LRRC7: variants seen among roughly 807,000 people sequenced by gnomAD.
LRRC7 encodes the protein leucine-rich repeat-containing protein 7.
LRRC7 carries 23 observed loss-of-function variants against 175.7 expected under a neutral mutation model. The observed-to-expected ratio is 0.13, with a 90% confidence interval of 0.09 to 0.19. The LOEUF (loss-of-function observed/expected upper bound fraction) is 0.19. LRRC7 is among the 10% of genes least tolerant of loss of function. The probability of loss-of-function intolerance (pLI) is 1.00; values close to 1 mark genes in which losing one functional copy is unlikely to be tolerated. For synonymous variants in LRRC7, 685 were observed against 680.9 expected, an observed-to-expected ratio of 1.01 and a Z score of -0.09; for missense variants, 1,354 against 1,904.7, an observed-to-expected ratio of 0.71 and a Z score of 5.38.
chr1:70,069,874 C>T (rs1662253674), intron 23 of LRRC7, among the ~76,000 whole-genome samples: 1 of 152,156 alleles, frequency 6.6e-6, no homozygotes. Context: ...CTGTTTTCTA[C>T]AGTCTGCTGT....
chr1:70,086,202 C>T (rs2102157817), intron 24 of LRRC7, among the ~76,000 whole-genome samples: 1 of 152,172 alleles, frequency 6.6e-6, no homozygotes, highest in East Asian at 1.9e-4. Context: ...TAGCTCACTG[C>T]AGCATCAAAC....
chr1:69,617,563 A>AAAAAAAAAAAAAAAC (rs1557491914), intron 1 of LRRC7, among the ~76,000 whole-genome samples: 1 of 150,074 alleles, frequency 6.7e-6, no homozygotes. Context: ...AAAAAAAAAA[A>AAAAAAAAAAAAAAAC]AAAAAAAAAT....
intron 1 of LRRC7, among the ~76,000 whole-genome samples, chr1:69,628,874 A>T (rs1343252020): frequency 6.6e-6 from 1 of 152,192 alleles, no homozygotes; most frequent in African/African-American, 2.4e-5. Flanking sequence ...TGGAGAAAAG[A>T]CAGTCTCTTC....
At chr1:69,718,144 G>GAAAGAAAGAA (rs1665906826) in intron 2 of LRRC7, among the ~76,000 whole-genome samples, 2 of 96,436 alleles carry the variant, frequency 2.1e-5, no homozygotes, top group African/African-American at 8.9e-5. Flanking sequence ...GAAAGAGAGA[G>GAAAGAAAGAA]AAAGAAAGAA....
At chr1:69,572,480 G>A (rs1347612697) in intron 1 of LRRC7, among the ~76,000 whole-genome samples, 2 of 152,066 alleles carry the variant, frequency 1.3e-5, no homozygotes, top group African/African-American at 4.8e-5. Flanking sequence ...AGAATGAAAA[G>A]TGGCACTATA....
intron 25 of LRRC7, among the ~76,000 whole-genome samples, chr1:70,101,155 C>T (rs184290023): frequency 6.6e-6 from 1 of 152,118 alleles, no homozygotes; most frequent in East Asian, 1.9e-4. Context: ...AAAAGTTTCC[C>T]CCTAAAAATT....
intron 1 of LRRC7, 50 bp downstream of exon 1, chr1:69,568,691 C>A (rs1354605097): frequency 1.6e-5 from 21 of 1,303,784 alleles, no homozygotes; most frequent in Non-Finnish European, 2.0e-5. Flanking sequence ...GGGGGCCCGG[C>A]CGCGGCGACC....
At chr1:69,801,957 G>C (rs900718953) in intron 4 of LRRC7, among the ~76,000 whole-genome samples, 1 of 147,544 alleles carries the variant, frequency 6.8e-6, no homozygotes, top group Admixed American at 6.8e-5. Context: ...TCTAATTTTT[G>C]TCTTAATTTC....
chr1:69,610,067 C>A (rs1648453898), intron 1 of LRRC7, among the ~76,000 whole-genome samples: 1 of 151,898 alleles, frequency 6.6e-6, no homozygotes, highest in Non-Finnish European at 1.5e-5. Context: ...GATATAATAC[C>A]ATATAATTTC....
chr1:69,771,528 A>G (rs1220166305), intron 3 of LRRC7, among the ~76,000 whole-genome samples: 1 of 152,138 alleles, frequency 6.6e-6, no homozygotes. Context: ...CCAAATATCA[A>G]ATATCATTAA....
At chr1:69,923,594 T>C (rs549056908) in intron 7 of LRRC7, among the ~76,000 whole-genome samples, 2 of 152,388 alleles carry the variant, frequency 1.3e-5, no homozygotes, top group South Asian at 4.1e-4. Context: ...GCTGCATAAA[T>C]GTCTTCTTTT....
At chr1:70,112,477 T>C (rs1665589052) in intron 26 of LRRC7, among the ~76,000 whole-genome samples, 1 of 152,184 alleles carries the variant, frequency 6.6e-6, no homozygotes, top group African/African-American at 2.4e-5. Flanking sequence ...ACAAGGTGAA[T>C]GTATGCACTC....
intron 1 of LRRC7, among the ~76,000 whole-genome samples, chr1:69,612,310 T>C (rs1648897951): frequency 6.6e-6 from 1 of 152,070 alleles, no homozygotes; most frequent in Admixed American, 6.6e-5. Context: ...TCATACTTTC[T>C]TGCAATCAAT....
At chr1:70,070,995 T>C (rs1370896975) in intron 23 of LRRC7, among the ~76,000 whole-genome samples, 3 of 152,156 alleles carry the variant, frequency 2.0e-5, no homozygotes, top group African/African-American at 7.2e-5. Context: ...CAGAAGTGTT[T>C]GTATGCCTTG....
Position 70,013,051 on chromosome 1 carries a change from G to A in LRRC7, c.1212G>A (p.Gln404=), listed in dbSNP as rs1656654816. The change falls in exon 13 of 27, where the codon CAG becomes CAA. Residue 404 remains glutamine, a synonymous_variant. Coordinates refer to ENST00000651989, the MANE Select transcript of LRRC7 (RefSeq NM_001370785.2). ...KLEFLPEEIG[Q]MQKLRVLNLS... is the part of the protein sequence containing the mutation. ...AATTTCTTCCTGAAGAGATTGGACA[G>A]ATGCAGAAACTAAGAGTCCTAAATT... is the stretch of plus-strand genomic sequence containing the variant. The A allele has an allele frequency of 6.3e-7, 1 of 1,586,170 alleles. No homozygotes were observed. Among genetic ancestry groups the A allele is most frequent in the Non-Finnish European group, 8.6e-7 (1 of 1,164,884 alleles).
intron 23 of LRRC7, among the ~76,000 whole-genome samples, chr1:70,061,629 T>C (rs1661584110): frequency 6.6e-6 from 1 of 152,188 alleles, no homozygotes. Flanking sequence ...TGGAGAGACA[T>C]TTCTTAAACA....
chr1:69,937,826 G>T (rs1468439944), intron 8 of LRRC7, among the ~76,000 whole-genome samples: 1 of 151,812 alleles, frequency 6.6e-6, no homozygotes, highest in Non-Finnish European at 1.5e-5. Flanking sequence ...CAGAGAAGAA[G>T]AATTTTAAAA....
At chr1:70,009,258 T>TG (rs1656265203) in intron 11 of LRRC7, among the ~76,000 whole-genome samples, 1 of 152,070 alleles carries the variant, frequency 6.6e-6, no homozygotes, top group South Asian at 2.1e-4. Context: ...CCCAAACTAT[T>TG]GATAGAGACC....
chr1:70,023,635 C>CT (rs147311419), intron 17 of LRRC7, among the ~76,000 whole-genome samples: 26 of 146,186 alleles, frequency 1.8e-4, no homozygotes, highest in Admixed American at 2.7e-4. Flanking sequence ...GAGTTGGGTG[C>CT]TTTTTTTTTT....
Sources: allele counts gnomAD v4.1 joint callset (sites outside exome capture counted in the v4.1 genomes callset), GRCh38; gene constraint gnomAD v4.1.1; transcripts MANE v1.5; gene names NCBI Gene and HGNC (gene_info 2026-07-23, HGNC 2026-07-21).